CSMD2: variants seen among roughly 807,000 people sequenced by gnomAD.
The protein encoded by CSMD2 is CUB and sushi domain-containing protein 2.
CSMD2 carries 130 observed loss-of-function variants against 398.5 expected under a neutral mutation model. That is an observed-to-expected ratio of 0.33 (90% CI 0.28 to 0.38). CSMD2 has a LOEUF of 0.38. CSMD2 is among the 10% of genes least tolerant of loss of function. The pLI is 1.00. For synonymous variants in CSMD2, 1,828 were observed against 1,908.5 expected (o/e 0.96, Z 1.10); for missense variants, 3,829 against 4,764.9 (o/e 0.80, Z 5.78).
At chr1:33,642,382 C>CAACAAACA (rs527895888) in intron 29 of CSMD2, among the ~76,000 whole-genome samples, 2 of 145,548 alleles carry the variant, frequency 1.4e-5, no homozygotes, top group Non-Finnish European at 3.0e-5. Context: ...AAAACAACAA[C>CAACAAACA]AACAAACAAA....
chr1:33,672,715 T>C (rs1644549875), intron 25 of CSMD2, among the ~76,000 whole-genome samples: 1 of 152,142 alleles, frequency 6.6e-6, no homozygotes, highest in African/African-American at 2.4e-5. Context: ...CAACCCCCAG[T>C]AGGGGCGGAC....
At chr1:34,045,470 C>T (rs776375896) in intron 2 of CSMD2, among the ~76,000 whole-genome samples, 3 of 152,232 alleles carry the variant, frequency 2.0e-5, no homozygotes, top group Non-Finnish European at 4.4e-5. Context: ...AAAAACCCAA[C>T]TTATGTCCAA....
chr1:33,691,275 G>C (rs1471170543), intron 25 of CSMD2, among the ~76,000 whole-genome samples: 1 of 152,138 alleles, frequency 6.6e-6, no homozygotes. Flanking sequence ...TGTGAGCGTG[G>C]GGTGGCCATG....
chr1:33,888,756 TTTGTTG>T (rs140395748), intron 5 of CSMD2, among the ~76,000 whole-genome samples: 23 of 148,938 alleles, frequency 1.5e-4, no homozygotes, highest in East Asian at 6.0e-4. Context: ...TCAACTGATT[TTTGTTG>T]TTGTTGTTGT....
At chr1:34,049,228 T>C (rs1035623139) in intron 2 of CSMD2, among the ~76,000 whole-genome samples, 1 of 152,208 alleles carries the variant, frequency 6.6e-6, no homozygotes, top group African/African-American at 2.4e-5. Flanking sequence ...GGGCCTCATC[T>C]GTAGACAAGA....
At chr1:34,140,217 G>A (rs1318561587) in intron 1 of CSMD2, among the ~76,000 whole-genome samples, 3 of 150,462 alleles carry the variant, frequency 2.0e-5, no homozygotes, top group African/African-American at 7.3e-5. Flanking sequence ...GGCCTTCTCT[G>A]AGGAAGTGAA....
In CSMD2 at chr1:33,846,939, C is replaced by A; in HGVS notation, c.978G>T (p.Leu326=). 1 of 1,610,474 alleles carries A rather than the reference C, an allele frequency of 6.2e-7. No homozygotes were observed. The highest frequency in any genetic ancestry group is 1.7e-5 in the Admixed American group (1 of 59,640). ...GGTGGTTGCCATCCGATGTGAAGTG[C>A]AGTCGCAGCCAGTTCTTGCTGCTGA... is the stretch of plus-strand genomic sequence containing the variant. The part of the protein sequence containing the change: ...PVISSKNWLR[L]HFTSDGNHRQ... The change falls in exon 6 of 71, where the codon CTG becomes CTT. Residue 326 remains leucine (L), a synonymous_variant. Transcript: ENST00000373381.
At position 33,903,850 on chromosome 1, in the gene CSMD2, A is replaced by G. The variant is rs79149706; in HGVS notation, c.920+14244T>C. 4.5e-3 allele frequency among the ~76,000 whole-genome samples: 690 copies of G among 152,304 alleles called. 4 individuals carry two copies. The highest frequency in any genetic ancestry group is 0.016 in the African/African-American group (650 of 41,556). ...AGATAGGAAATTTACATTGAACTCT[A>G]TATTTCAAAAAAACAGTGGTTTTTG... is the stretch of plus-strand genomic sequence containing the variant. On this transcript the variant is annotated intron_variant, in intron 5 of 70. Transcript: ENST00000373381.
intron 8 of CSMD2, 150 bp from the exon 9 acceptor site, chr1:33,819,987 T>C (rs1657922783): frequency 2.0e-6 from 2 of 996,334 alleles, no homozygotes; most frequent in South Asian, 1.7e-5. Context: ...AAAATCTCCA[T>C]TGGAAGGAAC....
At chr1:33,850,225 A>ACG (rs201778927) in intron 5 of CSMD2, among the ~76,000 whole-genome samples, 3 of 151,572 alleles carry the variant, frequency 2.0e-5, no homozygotes, top group Admixed American at 6.6e-5. Flanking sequence ...CTGAGTGTGC[A>ACG]CGCACACACA....
At chr1:34,135,246 A>T (rs758213215) in intron 1 of CSMD2, among the ~76,000 whole-genome samples, 5,733 of 58,798 alleles carry the variant, frequency 0.098, 132 homozygotes, top group East Asian at 0.19. Flanking sequence ...TTGAAATCAC[A>T]CACACACACA....
rs149580679 is a variant in CSMD2, at chr1:33,552,554, G to A, written c.8744-2204C>T. Among the ~76,000 whole-genome samples, 178 of 152,278 alleles carry A rather than the reference G, an allele frequency of 1.2e-3. 2 individuals are homozygous for A. The East Asian group carries it at 0.018, about 16-fold the overall frequency. On this transcript the variant is annotated intron_variant, in intron 55 of 70. Coordinates refer to ENST00000373381, the MANE Select transcript of CSMD2 (RefSeq NM_001281956.2). Reference sequence around the variant, plus strand: ...AGTCCCAGTTCATCTATCAATTGTCGAATGCATAAACAAGATGTGGTATAT... The same window carrying A: ...AGTCCCAGTTCATCTATCAATTGTCAAATGCATAAACAAGATGTGGTATAT...
intron 2 of CSMD2, among the ~76,000 whole-genome samples, chr1:34,082,821 G>C (rs1657405215): frequency 6.6e-6 from 1 of 152,100 alleles, no homozygotes; most frequent in Admixed American, 6.6e-5. Flanking sequence ...GGGTTAAATG[G>C]ATTAAGGGCG....
intron 55 of CSMD2, among the ~76,000 whole-genome samples, chr1:33,553,204 G>A (rs1307607859): frequency 6.6e-6 from 1 of 152,124 alleles, no homozygotes; most frequent in Non-Finnish European, 1.5e-5. Context: ...ACCCTGTGTT[G>A]AGCAAGCCTA....
At chr1:33,858,150 C>T (rs1257074446) in intron 5 of CSMD2, among the ~76,000 whole-genome samples, 8 of 152,158 alleles carry the variant, frequency 5.3e-5, no homozygotes, top group South Asian at 2.1e-4. Context: ...ATGCAGGCTC[C>T]GTGCTTATCT....
chr1:33,954,852 A>G (rs1206340386), intron 3 of CSMD2, among the ~76,000 whole-genome samples: 2 of 152,152 alleles, frequency 1.3e-5, no homozygotes, highest in Non-Finnish European at 2.9e-5. Context: ...TCAGAGTTTC[A>G]GCTTGGGAAA....
At chr1:33,828,311 T>C (rs970238944) in intron 6 of CSMD2, among the ~76,000 whole-genome samples, 1 of 152,226 alleles carries the variant, frequency 6.6e-6, no homozygotes, top group Admixed American at 6.5e-5. Flanking sequence ...TCTGATTCAC[T>C]ATCCCTGGGA....
At chr1:33,517,055 C>T (rs1438887594) in intron 70 of CSMD2, among the ~76,000 whole-genome samples, 3 of 152,102 alleles carry the variant, frequency 2.0e-5, no homozygotes, top group Admixed American at 6.5e-5. Context: ...TCACACAGCC[C>T]TGTTCCCCCG....
chr1:33,842,503 C>T (rs542874198), intron 6 of CSMD2, among the ~76,000 whole-genome samples: 31 of 152,174 alleles, frequency 2.0e-4, no homozygotes, highest in Admixed American at 9.8e-4. Flanking sequence ...GTGCTCGCTA[C>T]CTATCCTGCT....
Sources: gnomAD v4.1 joint callset for allele counts (sites outside exome capture counted in the v4.1 genomes callset) on GRCh38, gnomAD v4.1.1 for gene constraint, MANE v1.5 for transcripts, NCBI Gene and HGNC (gene_info 2026-07-23, HGNC 2026-07-21) for gene names.